KCNH7: variants seen among roughly 807,000 people sequenced by gnomAD.
The protein encoded by KCNH7 is voltage-gated inwardly rectifying potassium channel KCNH7.
A neutral mutation model predicts 120.8 loss-of-function variants in KCNH7; 49 were observed. That is an observed-to-expected ratio of 0.41 (90% confidence interval 0.32 to 0.51). The LOEUF is 0.51. Ranked by LOEUF, KCNH7 falls within the 20% of genes least tolerant of loss-of-function variation. KCNH7 has a pLI of 0.38. For missense variants in KCNH7, 1,097 were observed against 1,446.6 expected, an observed-to-expected ratio of 0.76 and a Z score of 3.92; for synonymous variants, 547 against 516.1, an observed-to-expected ratio of 1.06 and a Z score of -0.81.
At chr2:162,512,142 A>C (rs1036289027) in intron 5 of KCNH7, among the ~76,000 whole-genome samples, 1 of 151,818 alleles carries the variant, frequency 6.6e-6, no homozygotes, top group South Asian at 2.1e-4. Context: ...ATAGAGAAAA[A>C]TAGAAAACAA....
In KCNH7 at chr2:162,427,807, G is replaced by T. The variant is rs114715724; in HGVS notation, c.1955-4272C>A. ...ATAATTTTTTCATTTGATCTAAATT[G>T]TCAAGTTTATTGTTCTTTATAATGT... On this transcript the variant is annotated intron_variant, in intron 8 of 15. Transcript: ENST00000332142. 4.0e-3 allele frequency among the ~76,000 whole-genome samples: 604 copies of T among 151,734 alleles called. 6 individuals carry two copies. The highest frequency in any genetic ancestry group is 0.014 in the African/African-American group (586 of 41,512).
chr2:162,435,061 C>A (rs1460080529), intron 8 of KCNH7, 137 bp downstream of exon 8: 13 of 774,774 alleles, frequency 1.7e-5, no homozygotes, highest in Non-Finnish European at 1.8e-5. Flanking sequence ...TGATGGAATA[C>A]AGTACCCATA....
intron 2 of KCNH7, among the ~76,000 whole-genome samples, chr2:162,681,178 G>A (rs1685697997): frequency 6.6e-6 from 1 of 151,690 alleles, no homozygotes; most frequent in Admixed American, 6.6e-5. Context: ...TGATAGTTAA[G>A]TGTAAAATAT....
At chr2:162,801,771 C>G (rs1178197509) in intron 2 of KCNH7, among the ~76,000 whole-genome samples, 1 of 151,668 alleles carries the variant, frequency 6.6e-6, no homozygotes, top group Non-Finnish European at 1.5e-5. Context: ...AAACCCTACA[C>G]AAGGAAAATC....
intron 2 of KCNH7, among the ~76,000 whole-genome samples, chr2:162,623,956 A>G (rs1265032187): frequency 2.0e-5 from 3 of 152,172 alleles, no homozygotes; most frequent in Non-Finnish European, 2.9e-5. Flanking sequence ...GAAATAATCA[A>G]TTAAAACGTT....
chr2:162,838,305 A>G (rs563186150), intron 1 of KCNH7, 138 bp downstream of exon 1: 1 of 653,200 alleles, frequency 1.5e-6, no homozygotes, highest in South Asian at 1.8e-5. Flanking sequence ...CTGCCATTCG[A>G]ACCTCCTGGC....
At chr2:162,828,245 TTA>T (rs1685353855) in intron 2 of KCNH7, among the ~76,000 whole-genome samples, 1 of 152,160 alleles carries the variant, frequency 6.6e-6, no homozygotes, top group Non-Finnish European at 1.5e-5. Flanking sequence ...TACCTTAAGA[TTA>T]TGTTACAACA....
At chr2:162,635,406 G>T (rs1301791774) in intron 2 of KCNH7, among the ~76,000 whole-genome samples, 1 of 151,994 alleles carries the variant, frequency 6.6e-6, no homozygotes, top group African/African-American at 2.4e-5. Context: ...TTTCCCTATA[G>T]AACTGTTGCC....
At chr2:162,429,273 G>T (rs192820860) in intron 8 of KCNH7, among the ~76,000 whole-genome samples, 11 of 150,230 alleles carry the variant, frequency 7.3e-5, no homozygotes, top group African/African-American at 2.7e-4. Context: ...TACTATCATT[G>T]TCATAATTTC....
chr2:162,836,481 C>G, intron 2 of KCNH7, 56 bp downstream of exon 2: 1 of 1,411,924 alleles, frequency 7.1e-7, no homozygotes, highest in Non-Finnish European at 9.9e-7. Flanking sequence ...TTTTAATAGT[C>G]AAAATTTCTT....
chr2:162,816,636 A>G lies in KCNH7; in HGVS notation c.307+19901T>C, dbSNP rs147632304. Among the ~76,000 whole-genome samples the G allele has an allele frequency of 5.7e-4, 87 of 152,302 alleles. 1 individual carries two copies. In the Middle Eastern group the frequency reaches 0.024, roughly 42 times the overall value. ...ATGAAATACTTGATTAAAAATTCTG[A>G]TTCACCACTGCTATAAGAAATAAGT... On this transcript the variant is annotated intron_variant, in intron 2 of 15. Coordinates refer to ENST00000332142, the MANE Select transcript of KCNH7 (RefSeq NM_033272.4).
intron 2 of KCNH7, among the ~76,000 whole-genome samples, chr2:162,615,689 C>A (rs987457087): frequency 1.3e-5 from 2 of 151,970 alleles, no homozygotes; most frequent in Admixed American, 1.3e-4. Context: ...AATTTAGAGT[C>A]ATTTTTATTT....
At chr2:162,589,700 G>A (rs1468882999) in intron 2 of KCNH7, among the ~76,000 whole-genome samples, 1 of 152,072 alleles carries the variant, frequency 6.6e-6, no homozygotes, top group Non-Finnish European at 1.5e-5. Flanking sequence ...GATTCTATCT[G>A]AGGAAGGAGT....
intron 3 of KCNH7, among the ~76,000 whole-genome samples, chr2:162,534,955 T>C (rs550164780): frequency 6.6e-6 from 1 of 151,888 alleles, no homozygotes; most frequent in East Asian, 1.9e-4. Flanking sequence ...TTCATATTAA[T>C]AACTTCATTT....
chr2:162,577,322 T>G (rs1693708305), intron 2 of KCNH7, among the ~76,000 whole-genome samples: 1 of 148,152 alleles, frequency 6.7e-6, no homozygotes, highest in Admixed American at 6.8e-5. Flanking sequence ...TCTATCTATC[T>G]ATCTATCTGT....
chr2:162,679,723 A>G (rs930571795), intron 2 of KCNH7, among the ~76,000 whole-genome samples: 2 of 151,632 alleles, frequency 1.3e-5, no homozygotes, highest in Non-Finnish European at 1.5e-5. Context: ...TTAATTATCT[A>G]TCTTTCAGGG....
intron 2 of KCNH7, among the ~76,000 whole-genome samples, chr2:162,679,615 A>G (rs1685645637): frequency 6.6e-6 from 1 of 151,680 alleles, no homozygotes; most frequent in Non-Finnish European, 1.5e-5. Flanking sequence ...CTTTTTTGTT[A>G]TGAGTTTCAC....
At chr2:162,537,421 T>C (rs1009206500) in intron 2 of KCNH7, among the ~76,000 whole-genome samples, 15 of 152,078 alleles carry the variant, frequency 9.9e-5, no homozygotes, top group Admixed American at 1.3e-4. Context: ...CATTTTCTTA[T>C]AAATTTTGAT....
intron 2 of KCNH7, among the ~76,000 whole-genome samples, chr2:162,702,116 T>A (rs1191843572): frequency 6.6e-6 from 1 of 152,028 alleles, no homozygotes; most frequent in Non-Finnish European, 1.5e-5. Flanking sequence ...AGAAAAAAAT[T>A]TTTTCAAAAT....
Sources: gnomAD v4.1 joint callset for allele counts (sites outside exome capture counted in the v4.1 genomes callset) on GRCh38, gnomAD v4.1.1 for gene constraint, MANE v1.5 for transcripts, NCBI Gene and HGNC (gene_info 2026-07-23, HGNC 2026-07-21) for gene names.